AGBL1: variants seen among roughly 807,000 people sequenced by gnomAD.
AGBL1 encodes cytosolic carboxypeptidase 4.
AGBL1 carries 130 observed loss-of-function variants against 118.9 expected under a neutral mutation model. The ratio of observed to expected loss-of-function variants is 1.09; its 90% confidence interval spans 0.95 to 1.26. The LOEUF is 1.26. Ranked by LOEUF, AGBL1 falls within the 50% of genes most tolerant of loss-of-function variation. AGBL1 has a pLI of 0.00. For synonymous variants in AGBL1, 555 were observed against 478.9 expected, an observed-to-expected ratio of 1.16 and a Z score of -2.08; for missense variants, 1,584 against 1,298.1, an observed-to-expected ratio of 1.22 and a Z score of -3.38.
chr15:86,789,511 C>A (rs1395953400), intron 22 of AGBL1, among the ~76,000 whole-genome samples: 6 of 152,214 alleles, frequency 3.9e-5, no homozygotes, highest in African/African-American at 1.4e-4. Context: ...TACAAATGGA[C>A]TTGATTCCAC....
intron 21 of AGBL1, among the ~76,000 whole-genome samples, chr15:86,635,242 TCTC>T (rs1405549958): frequency 8.0e-6 from 1 of 125,600 alleles, no homozygotes; most frequent in Non-Finnish European, 1.7e-5. Flanking sequence ...ATTTCTTCTT[TCTC>T]CTCCTCCTCC....
At chr15:86,814,747 C>T (rs913756102) in intron 22 of AGBL1, among the ~76,000 whole-genome samples, 2 of 152,160 alleles carry the variant, frequency 1.3e-5, no homozygotes, top group South Asian at 4.1e-4. Flanking sequence ...CTCGAGGTAG[C>T]CCAACACTCA....
chr15:86,215,359 G>A (rs548318940), intron 5 of AGBL1, among the ~76,000 whole-genome samples: 4 of 151,898 alleles, frequency 2.6e-5, no homozygotes, highest in African/African-American at 9.7e-5. Flanking sequence ...CCCTTTTAAA[G>A]GTCCTCCTGC....
chr15:86,501,398 G>A (rs538476449), intron 18 of AGBL1, among the ~76,000 whole-genome samples: 1 of 151,592 alleles, frequency 6.6e-6, no homozygotes, highest in South Asian at 2.1e-4. Flanking sequence ...ATTCTGTGGG[G>A]TGTCTTTTTC....
At chr15:86,425,232 C>T (rs2081852380) in intron 18 of AGBL1, among the ~76,000 whole-genome samples, 1 of 152,150 alleles carries the variant, frequency 6.6e-6, no homozygotes. Context: ...GAGTTCATGT[C>T]CTTTGCAGGA....
chr15:86,408,406 A>C (rs184544637), intron 18 of AGBL1, among the ~76,000 whole-genome samples: 224 of 152,300 alleles, frequency 1.5e-3, no homozygotes, highest in Non-Finnish European at 2.3e-3. Flanking sequence ...AATGTTTGCT[A>C]TCCGAAAATC....
intron 22 of AGBL1, among the ~76,000 whole-genome samples, chr15:86,813,781 C>CT (rs2078823883): frequency 6.6e-6 from 1 of 152,218 alleles, no homozygotes; most frequent in South Asian, 2.1e-4. Context: ...AACTACATAG[C>CT]ATTCAAGAAT....
At chr15:86,528,523 G>C (rs2083300339) in intron 19 of AGBL1, among the ~76,000 whole-genome samples, 1 of 150,342 alleles carries the variant, frequency 6.7e-6, no homozygotes, top group African/African-American at 2.5e-5. Context: ...TGGCAGCGAG[G>C]CTGGGGGAGG....
intron 17 of AGBL1, among the ~76,000 whole-genome samples, chr15:86,369,065 T>C (rs1307051480): frequency 6.6e-6 from 1 of 152,136 alleles, no homozygotes; most frequent in Admixed American, 6.5e-5. Context: ...TCACTGAAGA[T>C]GAAGAAAGTC....
At chr15:86,388,162 G>T (rs2081224640) in intron 17 of AGBL1, among the ~76,000 whole-genome samples, 1 of 152,200 alleles carries the variant, frequency 6.6e-6, no homozygotes, top group South Asian at 2.1e-4. Context: ...GGAAGGAATT[G>T]TGTCCCAGCA....
At chr15:87,003,919 C>T (rs140730274) in intron 24 of AGBL1, among the ~76,000 whole-genome samples, 2,804 of 150,536 alleles carry the variant, frequency 0.019, 52 homozygotes, top group Middle Eastern at 0.071. Flanking sequence ...AAACCAGCTC[C>T]TGGATTCATT....
chr15:86,571,020 A>C (rs2083998970), intron 21 of AGBL1, among the ~76,000 whole-genome samples: 1 of 152,156 alleles, frequency 6.6e-6, no homozygotes, highest in African/African-American at 2.4e-5. Context: ...CTGATGCTAT[A>C]GGGTGGGCAG....
intron 22 of AGBL1, among the ~76,000 whole-genome samples, chr15:86,872,755 A>G (rs1178363040): frequency 1.3e-5 from 2 of 152,234 alleles, no homozygotes; most frequent in Admixed American, 6.5e-5. Context: ...GACTCCGTCT[A>G]TAAATAAATA....
At chr15:86,769,894 G>C (rs1313810697) in intron 22 of AGBL1, among the ~76,000 whole-genome samples, 1 of 151,916 alleles carries the variant, frequency 6.6e-6, no homozygotes, top group Non-Finnish European at 1.5e-5. Context: ...CAGATTGAAA[G>C]GCTTAAAGAT....
intron 22 of AGBL1, among the ~76,000 whole-genome samples, chr15:86,741,075 C>G (rs1193993849): frequency 2.6e-5 from 4 of 151,982 alleles, no homozygotes; most frequent in Non-Finnish European, 5.9e-5. Flanking sequence ...TAAAACTCCT[C>G]TATGTGGGCA....
At chr15:86,359,772 G>A (rs910903588) in intron 17 of AGBL1, among the ~76,000 whole-genome samples, 2 of 151,762 alleles carry the variant, frequency 1.3e-5, no homozygotes, top group African/African-American at 4.8e-5. Flanking sequence ...AGTCTTTTAA[G>A]TCTTTGGTTA....
chr15:86,834,106 A>G (rs1363865787), intron 22 of AGBL1, among the ~76,000 whole-genome samples: 1 of 152,136 alleles, frequency 6.6e-6, no homozygotes, highest in Non-Finnish European at 1.5e-5. Flanking sequence ...AGTTTCTCCT[A>G]CACAATGGAG....
At chr15:86,965,069 G>C (rs1369276419) in intron 23 of AGBL1, among the ~76,000 whole-genome samples, 2 of 152,022 alleles carry the variant, frequency 1.3e-5, no homozygotes, top group Non-Finnish European at 2.9e-5. Flanking sequence ...CTTTGCTATT[G>C]TGAACAGTGC....
rs2081756625 is a variant in AGBL1, at chr15:86,419,577, T to C, written c.2555+22031T>C. Among the ~76,000 whole-genome samples the C allele has an allele frequency of 5.3e-5, 8 of 151,938 alleles. 1 individual carries two copies. The Middle Eastern group carries it at 0.027, about 517-fold the overall frequency. ...CTAGCTGCAGGAGTTTTTTTTTTTTTCATACCAAAGTGGTGCAGGAATGCC... is the reference window on the plus strand; with the variant it reads ...CTAGCTGCAGGAGTTTTTTTTTTTTCCATACCAAAGTGGTGCAGGAATGCC... On this transcript the variant is annotated intron_variant, in intron 18 of 22. Transcript: ENST00000614907.
Sources: gnomAD v4.1 joint callset for allele counts (sites outside exome capture counted in the v4.1 genomes callset) on GRCh38, gnomAD v4.1.1 for gene constraint, MANE v1.5 for transcripts, NCBI Gene and HGNC (gene_info 2026-07-23, HGNC 2026-07-21) for gene names.